GBX2: variants seen among roughly 807,000 people sequenced by gnomAD.
GBX2 encodes homeobox protein GBX-2.
A neutral mutation model predicts 22.4 loss-of-function variants in GBX2; 5 were observed. That is an observed-to-expected ratio of 0.22 (90% CI 0.12 to 0.47). The LOEUF (loss-of-function observed/expected upper bound fraction) is 0.47. GBX2 is among the 20% of genes least tolerant of loss of function. The pLI is 0.99. For missense variants in GBX2, 470 were observed against 495.4 expected (o/e 0.95, Z 0.49); for synonymous variants, 220 against 230.5 (o/e 0.95, Z 0.41).
At chr2:236,167,228 C>T in intron 1 of GBX2, 2 of 1,524,746 alleles carry the variant, frequency 1.3e-6, no homozygotes, top group Non-Finnish European at 1.8e-6. Flanking sequence ...CAGCTGGTCG[C>T]CGGGCGCTAA....
intron 1 of GBX2, 35 bp downstream of exon 1, chr2:236,167,413 GC>G (rs2060246698): frequency 2.2e-6 from 3 of 1,366,400 alleles, no homozygotes; most frequent in Non-Finnish European, 2.8e-6. Context: ...GCCTCCTCCC[GC>G]CCCCTCGTCC....
chr2:236,167,609 C>A lies in GBX2; in HGVS notation c.363G>T (p.Ala121=), dbSNP rs1329465398. The part of the protein sequence containing the change: ...GFSASPQHQE[A]AAARKFAPQP... ...GCGGCGCGAACTTGCGGGCCGCTGC[C>A]GCCTCCTGGTGCTGGGGCGACGCGG... The change falls in exon 1 of 2, where the codon GCG becomes GCT. Residue 121 remains alanine, a synonymous_variant. Transcript: ENST00000306318. The A allele has an allele frequency of 6.3e-7, 1 of 1,593,742 alleles. No homozygotes were observed. Among genetic ancestry groups the A allele is most frequent in the South Asian group, 1.1e-5 (1 of 89,656 alleles).
Position 236,166,534 on chromosome 2 carries a change from C to A in GBX2, c.524-97G>T. ...TTGGACATTCCGCGCCCCCCGCCCC[C>A]CACCCTTTAGCGGATTGTCTTTCTA... On this transcript the variant is annotated intron_variant, in intron 1 of 1. Transcript: ENST00000306318. This position sits in a 1 kb window ranked among gnomAD's most constrained non-coding sequence, Gnocchi z 6.6. 4 of 1,097,558 alleles carry A rather than the reference C, an allele frequency of 3.6e-6. No homozygotes were observed. The highest frequency in any genetic ancestry group is 5.4e-6 in the Non-Finnish European group (4 of 746,208). 68.0% of individuals were successfully genotyped at this position (1,097,558 alleles called of 1,614,324 possible).
chr2:236,168,037 C>T lies in GBX2; in HGVS notation c.-66G>A. On this transcript the variant is annotated 5_prime_UTR_variant, in exon 1 of 2. Transcript: ENST00000306318. ...CGCGCCGCGCCGCCGCCGGGAAGCCCGCCGGACGCCGGGAGCACCGCCGGG... is the reference window on the plus strand; with the variant it reads ...CGCGCCGCGCCGCCGCCGGGAAGCCTGCCGGACGCCGGGAGCACCGCCGGG... 7.4e-7 allele frequency: 1 copy of T among 1,353,754 alleles called. No homozygotes were observed. Among genetic ancestry groups the T allele is most frequent in the South Asian group, 1.8e-5 (1 of 55,970 alleles). 83.9% of individuals were successfully genotyped at this position (1,353,754 alleles called of 1,614,324 possible). A position where few individuals can be genotyped will look rare whatever the true frequency, so the allele number is the denominator to read the frequency against.
At chr2:236,164,269 C>G (rs1347165943), downstream of GBX2, among the ~76,000 whole-genome samples, 1 of 152,194 alleles carries the variant, frequency 6.6e-6, no homozygotes, top group African/African-American at 2.4e-5. Flanking sequence ...GCTCACCGGC[C>G]TCCCCTCCTT....
At chr2:236,167,049 G>T in intron 1 of GBX2, 1 of 1,128,404 alleles carries the variant, frequency 8.9e-7, no homozygotes, top group Non-Finnish European at 1.3e-6. Context: ...CAAGACCAGC[G>T]AAGGGGTTTA....
chr2:236,167,878 G>A lies in GBX2; in HGVS notation c.94C>T (p.Pro32Ser). 6.4e-7 allele frequency: 1 copy of A among 1,550,648 alleles called. No homozygotes were observed. The highest frequency in any genetic ancestry group is 8.7e-7 in the Non-Finnish European group (1 of 1,151,766). The change falls in exon 1 of 2, where the codon CCG (proline) becomes TCG (serine). Residue 32 changes from proline to serine, a missense_variant. Physicochemically the swap from Pro to Ser is moderately conservative, Grantham distance 74. This residue lies in a region of GBX2 where 377 missense variants were observed against 358.6 expected (regional missense o/e 1.05). Transcript: ENST00000306318. ...FSIDSLIGSP[P>S]QPSPGHFVYT... ...ACGAAATGGCCGGGGCTGGGCTGCGGCGGGCTGCCGATCAGCGAGTCTATG... is the reference window on the plus strand; with the variant it reads ...ACGAAATGGCCGGGGCTGGGCTGCGACGGGCTGCCGATCAGCGAGTCTATG...
Position 236,167,805 on chromosome 2 carries a change from GGCA to G in GBX2, c.164_166del (p.Leu55del). The stretch of plus-strand genomic sequence containing the variant: ...CGCGGGCGGCGGCGGCGGCGGCGGC[GGCA>G]GCACTACCGGCCGGTAGGGCATGAA... On this transcript the variant is annotated inframe_deletion, in exon 1 of 2. Coordinates refer to ENST00000306318, the MANE Select transcript of GBX2 (RefSeq NM_001485.4). The G allele has an allele frequency of 7.1e-7, 1 of 1,412,146 alleles. No homozygotes were observed. The highest frequency in any genetic ancestry group is 9.3e-7 in the Non-Finnish European group (1 of 1,080,086). The allele number at this position is 1,412,146 out of a possible 1,614,324, so 87.5% of individuals were successfully genotyped here. A position where few individuals can be genotyped will look rare whatever the true frequency, so the allele number is the denominator to read the frequency against.
At chr2:236,163,735 A>C (rs1182152278), downstream of GBX2, among the ~76,000 whole-genome samples, 2 of 152,112 alleles carry the variant, frequency 1.3e-5, no homozygotes, top group African/African-American at 2.4e-5. Context: ...CGGGCCTCGA[A>C]TGCTGCAGCA....
rs2060234813 is a variant in GBX2, at chr2:236,165,736, G to GT, written c.*177dup. ...ATTTAGCGTGTCTTCTGGTGTGGCT[G>GT]TAAGCCCCTTCAAAAGCAGTCTTTT... On this transcript the variant is annotated 3_prime_UTR_variant, in exon 2 of 2. Coordinates refer to ENST00000306318, the MANE Select transcript of GBX2 (RefSeq NM_001485.4). The GT allele has an allele frequency of 6.7e-6, 4 of 599,260 alleles. No homozygotes were observed. The South Asian group carries it at 8.3e-5, about 12-fold the overall frequency. The allele number at this position is 599,260 out of a possible 1,614,324, so 37.1% of individuals were successfully genotyped here. A position where few individuals can be genotyped will look rare whatever the true frequency, so the allele number is the denominator to read the frequency against.
rs752178768 is a variant in GBX2 at position 236,167,117 on chromosome 2, C to T, written c.523+332G>A. 1.3e-5 allele frequency: 20 copies of T among 1,534,866 alleles called. No homozygotes were observed. The South Asian group carries it at 1.9e-4, about 15-fold the overall frequency. On this transcript the variant is annotated intron_variant, in intron 1 of 1. Transcript: ENST00000306318. The stretch of plus-strand genomic sequence containing the variant: ...CTGAGACGCGCAGCCCAACCCGTCT[C>T]CCCTAGAGGCTGCAACCTACCCGGA...
Position 236,166,016 on chromosome 2 carries a change from C to T in GBX2, c.945G>A (p.Gly315=), listed in dbSNP as rs1460069533. 1 of 1,614,190 alleles carries T rather than the reference C, an allele frequency of 6.2e-7. No individual in the cohort carries two copies. The highest frequency in any genetic ancestry group is 1.7e-5 in the Admixed American group (1 of 60,028). ...VKAGNANSKT[G]EPSRNPKIVV... Reference sequence around the variant, plus strand: ...CGATCTTAGGGTTCCGGGAGGGCTCCCCTGTCTTGGAATTGGCATTGCCTG... The same window carrying T: ...CGATCTTAGGGTTCCGGGAGGGCTCTCCTGTCTTGGAATTGGCATTGCCTG... Residue 315 remains glycine, a synonymous_variant, in exon 2 of 2, where the codon GGG becomes GGA. Coordinates refer to ENST00000306318, the MANE Select transcript of GBX2 (RefSeq NM_001485.4). This position sits in a 1 kb window ranked among gnomAD's most constrained non-coding sequence, Gnocchi z 6.6.
At position 236,166,415 on chromosome 2, in the gene GBX2, C is replaced by G. The variant is rs892824854; in HGVS notation, c.546G>C (p.Gly182=). The change falls in exon 2 of 2, where the codon GGG becomes GGC. Residue 182 remains glycine, a synonymous_variant. Coordinates refer to ENST00000306318, the MANE Select transcript of GBX2 (RefSeq NM_001485.4). This position sits in a 1 kb window ranked among gnomAD's most constrained non-coding sequence, Gnocchi z 6.6. ...CGTCTTCCACCTTTGACTCGTCTTTCCCTTGCCCTCGGACAGCCCCGACTG... is the reference window on the plus strand; with the variant it reads ...CGTCTTCCACCTTTGACTCGTCTTTGCCTTGCCCTCGGACAGCCCCGACTG... ...ASLVGAVRGQ[G]KDESKVEDDP... is the part of the protein sequence containing the mutation. The G allele has an allele frequency of 5.0e-6, 8 of 1,612,400 alleles. No individual in the cohort carries two copies. The Admixed American group carries it at 1.3e-4, about 27-fold the overall frequency.
rs936867308 is a variant in GBX2, at chr2:236,165,342, C to T, written c.*572G>A. On this transcript the variant is annotated 3_prime_UTR_variant, in exon 2 of 2. Coordinates refer to ENST00000306318, the MANE Select transcript of GBX2 (RefSeq NM_001485.4). ...GCTACATTGAAATAAATTAACACAA[C>T]GGAGACGTGCTTCACATGGCTCAGA... 1.3e-5 allele frequency: 2 copies of T among 152,510 alleles called. No individual in the cohort carries two copies. The highest frequency in any genetic ancestry group is 4.8e-5 in the African/African-American group (2 of 41,420). 9.4% of individuals were successfully genotyped at this position (152,510 alleles called of 1,614,324 possible). A position where few individuals can be genotyped will look rare whatever the true frequency, so the allele number is the denominator to read the frequency against.
In GBX2 at chr2:236,168,055, C is replaced by G. The variant is rs2060253186; in HGVS notation, c.-84G>C. On this transcript the variant is annotated 5_prime_UTR_variant, in exon 1 of 2. Coordinates refer to ENST00000306318, the MANE Select transcript of GBX2 (RefSeq NM_001485.4). ...GGAAGCCCGCCGGACGCCGGGAGCA[C>G]CGCCGGGAGCGCCGGGCAGGGGCCG... 7.6e-7 allele frequency: 1 copy of G among 1,320,816 alleles called. No homozygotes were observed. 81.8% of individuals were successfully genotyped at this position (1,320,816 alleles called of 1,614,324 possible).
At position 236,166,268 on chromosome 2, in the gene GBX2, G is replaced by C; in HGVS notation, c.693C>G (p.Thr231=). The C allele has an allele frequency of 1.2e-6, 2 of 1,613,666 alleles. No homozygotes were observed. The highest frequency in any genetic ancestry group is 2.2e-5 in the East Asian group (1 of 44,866). The change falls in exon 2 of 2, where the codon ACC becomes ACG. Residue 231 remains threonine, a synonymous_variant. Coordinates refer to ENST00000306318, the MANE Select transcript of GBX2 (RefSeq NM_001485.4). This position sits in a 1 kb window ranked among gnomAD's most constrained non-coding sequence, Gnocchi z 6.6. The stretch of plus-strand genomic sequence containing the variant: ...TGCCCGCGGCGCCGCTGCTCGGCGG[G>C]GTCTCCTCCAGCGCGTGGCCCGGGT... ...EEDPGHALEE[T]PPSSGAAGST... is the part of the protein sequence containing the mutation.
In GBX2 at chr2:236,167,744, G is replaced by GGGCGGCAGCGCT. The variant is rs2060250478; in HGVS notation, c.216_227dup (p.Leu74_Ala77dup). ...TGGGGATCTGGTGGTGAGGGTGTGC[G>GGGCGGCAGCGCT]GGCGGCAGCGCTGGCTGCAGCGCGG... On this transcript the variant is annotated inframe_insertion, in exon 1 of 2. Coordinates refer to ENST00000306318, the MANE Select transcript of GBX2 (RefSeq NM_001485.4). The GGGCGGCAGCGCT allele has an allele frequency of 6.7e-7, 1 of 1,495,160 alleles. No individual in the cohort carries two copies. Among genetic ancestry groups the GGGCGGCAGCGCT allele is most frequent in the South Asian group, 1.4e-5 (1 of 73,642 alleles). 92.6% of individuals were successfully genotyped at this position (1,495,160 alleles called of 1,614,324 possible). A position where few individuals can be genotyped will look rare whatever the true frequency, so the allele number is the denominator to read the frequency against.
chr2:236,164,169 G>A (rs911296558), downstream of GBX2, among the ~76,000 whole-genome samples: 21 of 152,184 alleles, frequency 1.4e-4, no homozygotes, highest in African/African-American at 5.1e-4. Context: ...TAAAAATTAA[G>A]TCAATATTAG....
downstream of GBX2, among the ~76,000 whole-genome samples, chr2:236,162,905 T>A (rs2060219523): frequency 6.6e-6 from 1 of 152,192 alleles, no homozygotes; most frequent in African/African-American, 2.4e-5. Context: ...GGCCCCCCCA[T>A]CAGAATTAAT....
Sources: allele counts gnomAD v4.1 joint callset (sites outside exome capture counted in the v4.1 genomes callset), GRCh38; gene constraint gnomAD v4.1.1; regional missense constraint gnomAD v4.1.1; non-coding constraint Gnocchi (gnomAD v3.1); transcripts MANE v1.5; gene names NCBI Gene and HGNC (gene_info 2026-07-23, HGNC 2026-07-21).